Variants in PLA2G3 observed in about 807,000 individuals in gnomAD.
The protein encoded by PLA2G3 is group 3 secretory phospholipase A2.
In PLA2G3, 39 loss-of-function variants were observed where a neutral mutation model predicts 51.3. The ratio of observed to expected loss-of-function variants is 0.76; its 90% CI spans 0.59 to 0.99. The LOEUF (loss-of-function observed/expected upper bound fraction) is 0.99, where lower values mean the gene tolerates loss of function less well. Among genes scored for constraint, PLA2G3 ranks in the 50% least tolerant of loss-of-function variants. The pLI is 0.00. For missense variants in PLA2G3, 677 were observed against 662.1 expected, an observed-to-expected ratio of 1.02 and a Z score of -0.25; for synonymous variants, 293 against 263.1, an observed-to-expected ratio of 1.11 and a Z score of -1.10.
intron 1 of PLA2G3, 59 bp from the exon 2 acceptor site, chr22:31,138,858 A>G: frequency 6.4e-7 from 1 of 1,574,034 alleles, no homozygotes; most frequent in Non-Finnish European, 8.7e-7. Context: ...ATCATGCACC[A>G]GCTATGCCCC....
chr22:31,137,749 T>C lies in PLA2G3; in HGVS notation c.1027A>G (p.Thr343Ala). 6.2e-7 allele frequency: 1 copy of C among 1,613,000 alleles called. No homozygotes were observed. Among genetic ancestry groups the C allele is most frequent in the South Asian group, 1.1e-5 (1 of 90,940 alleles). ...CCACCCTGTGGGCCCTGGAGGCCTG[T>C]GGGGGCCACATCAAGCCTGGGAGAG... ...MVSPRLDVAP[T>A]GLQGPQGGLK... Residue 343 changes from threonine to alanine, a missense_variant, in exon 4 of 7, where the codon ACA becomes GCA. Coordinates refer to ENST00000215885, the MANE Select transcript of PLA2G3 (RefSeq NM_015715.5).
intron 4 of PLA2G3, among the ~76,000 whole-genome samples, chr22:31,137,448 A>AG (rs764509605): frequency 6.6e-6 from 1 of 152,174 alleles, no homozygotes; most frequent in East Asian, 1.9e-4. Context: ...TAGGGTCTGC[A>AG]GGGCCAAGGC....
At chr22:31,136,652 C>T (rs1922579963) in intron 6 of PLA2G3, 31 bp downstream of exon 6, 3 of 1,576,298 alleles carry the variant, frequency 1.9e-6, no homozygotes, top group African/African-American at 2.7e-5. Context: ...TGAGAAAACC[C>T]CCCATCCCTC....
chr22:31,138,439 G>A (rs776026142), intron 2 of PLA2G3, 29 bp from the exon 3 acceptor site: 16 of 1,610,014 alleles, frequency 9.9e-6, no homozygotes, highest in African/African-American at 1.3e-5. Flanking sequence ...CCAGGACCCT[G>A]GGGCATGGAG....
rs760498384 is a variant in PLA2G3 at position 31,140,044 on chromosome 22, A to G, written c.311T>C (p.Leu104Pro). Residue 104 changes from leucine to proline, a missense_variant, in exon 1 of 7, where the codon CTG becomes CCG. Transcript: ENST00000215885. ...CTGAAGAGTGGCCAGTGCTCTCTGC[A>G]GCTCGGGTCCGGGGGTGTGGATGAA... ...GSFIHTPGPELQRALATLQSQ... is the reference protein window; with the variant it reads ...GSFIHTPGPEPQRALATLQSQ... The G allele has an allele frequency of 5.0e-5, 80 of 1,613,548 alleles. No individual in the cohort carries two copies. The highest frequency in any genetic ancestry group is 1.7e-4 in the Middle Eastern group (1 of 5,940).
rs1568950029 is a variant in PLA2G3 at position 31,140,364 on chromosome 22, G to C, written c.-10C>G. 6 of 1,565,518 alleles carry C rather than the reference G, an allele frequency of 3.8e-6. No homozygotes were observed. In the South Asian group the frequency reaches 7.1e-5, roughly 18 times the overall value. The stretch of plus-strand genomic sequence containing the variant: ...CTGCCTGAACCCCCATTCTGCACTG[G>C]CCCAGTCCAGTCAGACAAAGCCCCT... On this transcript the variant is annotated 5_prime_UTR_variant, in exon 1 of 7. Coordinates refer to ENST00000215885, the MANE Select transcript of PLA2G3 (RefSeq NM_015715.5).
In PLA2G3 at chr22:31,135,653, T is replaced by G; in HGVS notation, c.*70A>C. ...TCAGTCTAACCTACGGAGGGGAGGC[T>G]GAGATTCCCAAGGCTTGGCATAGCC... On this transcript the variant is annotated 3_prime_UTR_variant, in exon 7 of 7. Coordinates refer to ENST00000215885, the MANE Select transcript of PLA2G3 (RefSeq NM_015715.5). 4.0e-5 allele frequency: 48 copies of G among 1,188,298 alleles called. No homozygotes were observed. The highest frequency in any genetic ancestry group is 5.5e-5 in the Non-Finnish European group (44 of 802,086). 73.6% of individuals were successfully genotyped at this position (1,188,298 alleles called of 1,614,324 possible).
intron 1 of PLA2G3, among the ~76,000 whole-genome samples, 187 bp downstream of exon 1, chr22:31,139,654 G>A (rs559058294): frequency 1.1e-4 from 17 of 152,026 alleles, no homozygotes; most frequent in African/African-American, 1.2e-4. Flanking sequence ...TTCCCCAACC[G>A]TGACCTCATT....
chr22:31,138,365 G>T lies in PLA2G3; in HGVS notation c.693C>A (p.Ile231=), dbSNP rs529525769. ...LQNQHDSISD[I]VGVAFFNVLE... is the part of the protein sequence containing the mutation. ...GCACGTTGAAGAAGGCCACGCCCAC[G>T]ATGTCCGAGATGGAGTCGTGCTGAT... Residue 231 remains isoleucine (I), a synonymous_variant, in exon 3 of 7, where the codon ATC becomes ATA. Coordinates refer to ENST00000215885, the MANE Select transcript of PLA2G3 (RefSeq NM_015715.5). 2 of 1,613,928 alleles carry T rather than the reference G, an allele frequency of 1.2e-6. No homozygotes were observed. Among genetic ancestry groups the T allele is most frequent in the East Asian group, 2.2e-5 (1 of 44,874 alleles).
At chr22:31,138,084 A>T in intron 3 of PLA2G3, 91 bp from the exon 4 acceptor site, 1 of 1,409,796 alleles carries the variant, frequency 7.1e-7, no homozygotes, top group Non-Finnish European at 9.5e-7. Flanking sequence ...ATGCTCTGCC[A>T]GTCCCATCCC....
chr22:31,135,890 G>C lies in PLA2G3; in HGVS notation c.1363C>G (p.Arg455Gly). The change falls in exon 7 of 7, where the codon CGG (arginine) becomes GGG (glycine). Residue 455 changes from arginine (R) to glycine (G), a missense_variant. By Grantham distance (125) the Arg-to-Gly change is moderately radical. Transcript: ENST00000215885. ...RAIRVSARHL[R>G]RLQQRRHQLQ... is the part of the protein sequence containing the mutation. Reference sequence around the variant, plus strand: ...TGGTGTCGCCTCTGCTGAAGCCTCCGCAAGTGCCGGGCTGACACCCTGATG... The same window carrying C: ...TGGTGTCGCCTCTGCTGAAGCCTCCCCAAGTGCCGGGCTGACACCCTGATG... The C allele has an allele frequency of 6.2e-7, 1 of 1,613,794 alleles. No homozygotes were observed. Among genetic ancestry groups the C allele is most frequent in the South Asian group, 1.1e-5 (1 of 91,084 alleles).
chr22:31,140,145 T>G lies in PLA2G3; in HGVS notation c.210A>C (p.Ser70=), dbSNP rs778555276. The G allele has an allele frequency of 5.1e-5, 82 of 1,612,606 alleles. 1 individual carries two copies. In the Admixed American group the frequency reaches 1.4e-3, roughly 27 times the overall value. The change falls in exon 1 of 7, where the codon TCA becomes TCC. Residue 70 remains serine (S), a synonymous_variant. Transcript: ENST00000215885. ...GCTCCGGCTCATCCTCCCAGCTACA[T>G]GACTGCAGCCTCCTATGCGCATCCC... ...ARWDAHRRLQ[S]CSWEDEPELT... is the part of the protein sequence containing the mutation.
At chr22:31,139,594 C>T (rs1221107958) in intron 1 of PLA2G3, among the ~76,000 whole-genome samples, 1 of 152,064 alleles carries the variant, frequency 6.6e-6, no homozygotes, top group African/African-American at 2.4e-5. Flanking sequence ...CCCAGCCTGC[C>T]CAGTCCCTCG....
intron 3 of PLA2G3, 112 bp downstream of exon 3, chr22:31,138,164 G>A (rs1260816252): frequency 1.4e-6 from 2 of 1,420,548 alleles, no homozygotes; most frequent in Admixed American, 4.1e-5. Flanking sequence ...AGGACATGCA[G>A]GATGGGACAT....
intron 6 of PLA2G3, 30 bp downstream of exon 6, chr22:31,136,653 C>G (rs1473102077): frequency 6.3e-7 from 1 of 1,578,338 alleles, no homozygotes; most frequent in Non-Finnish European, 8.7e-7. Flanking sequence ...GAGAAAACCC[C>G]CCATCCCTCC....
chr22:31,140,418 G>A lies in PLA2G3; in HGVS notation c.-64C>T. On this transcript the variant is annotated 5_prime_UTR_variant, in exon 1 of 7. Transcript: ENST00000215885. ...ATGCCTGCCCTTGGTGGCCCCACCA[G>A]GCGGCAGCTGAGCAGTGGAACGGAA... is the stretch of plus-strand genomic sequence containing the variant. The A allele has an allele frequency of 1.3e-6, 2 of 1,507,488 alleles. No individual in the cohort carries two copies. The highest frequency in any genetic ancestry group is 1.8e-6 in the Non-Finnish European group (2 of 1,136,028). The allele number at this position is 1,507,488 out of a possible 1,614,324, so 93.4% of individuals were successfully genotyped here.
chr22:31,135,586 C>G lies in PLA2G3; in HGVS notation c.*137G>C. 4 of 693,886 alleles carry G rather than the reference C, an allele frequency of 5.8e-6. No individual in the cohort carries two copies. In the Admixed American group the frequency reaches 7.1e-5, roughly 12 times the overall value. The allele number at this position is 693,886 out of a possible 1,614,324, so 43.0% of individuals were successfully genotyped here. On this transcript the variant is annotated 3_prime_UTR_variant, in exon 7 of 7. Coordinates refer to ENST00000215885, the MANE Select transcript of PLA2G3 (RefSeq NM_015715.5). ...CCAGCATTTGGGCCTTGAGATCCCC[C>G]CATTCATCCTCTTGATTGTCCACAA...
In PLA2G3 at chr22:31,135,572, G is replaced by C. The variant is rs1475179262; in HGVS notation, c.*151C>G. On this transcript the variant is annotated 3_prime_UTR_variant, in exon 7 of 7. Coordinates refer to ENST00000215885, the MANE Select transcript of PLA2G3 (RefSeq NM_015715.5). The stretch of plus-strand genomic sequence containing the variant: ...GCAGGAGATGTGGTCCAGCATTTGG[G>C]CCTTGAGATCCCCCCATTCATCCTC... 16 of 654,696 alleles carry C rather than the reference G, an allele frequency of 2.4e-5. No individual in the cohort carries two copies. The highest frequency in any genetic ancestry group is 4.3e-5 in the Non-Finnish European group (16 of 367,944). The allele number at this position is 654,696 out of a possible 1,614,324, so 40.6% of individuals were successfully genotyped here.
intron 4 of PLA2G3, among the ~76,000 whole-genome samples, chr22:31,137,254 G>A (rs1053986709): frequency 1.3e-5 from 2 of 152,220 alleles, no homozygotes; most frequent in African/African-American, 4.8e-5. Context: ...TACTGCTATG[G>A]GGGACACCCA....
Sources: gnomAD v4.1 joint callset for allele counts (sites outside exome capture counted in the v4.1 genomes callset) on GRCh38, gnomAD v4.1.1 for gene constraint, MANE v1.5 for transcripts, NCBI Gene and HGNC (gene_info 2026-07-23, HGNC 2026-07-21) for gene names.